GFUS: variants seen among roughly 807,000 people sequenced by gnomAD.
GFUS encodes the protein 3-5 epimerase/4-reductase.
A neutral mutation model predicts 41.5 loss-of-function variants in GFUS; 42 were observed. That is an observed-to-expected ratio of 1.01 (90% CI 0.79 to 1.31). The LOEUF is 1.31. Ranked by LOEUF, GFUS falls within the 50% of genes most tolerant of loss-of-function variation. The pLI, the probability that GFUS is intolerant of heterozygous loss-of-function variation, is 0.00. For synonymous variants in GFUS, 188 were observed against 173.4 expected (o/e 1.08, Z -0.66); for missense variants, 437 against 428.7 (o/e 1.02, Z -0.17).
intron 9 of GFUS, 112 bp downstream of exon 9, chr8:143,613,412 G>A: frequency 6.7e-7 from 1 of 1,489,582 alleles, no homozygotes; most frequent in African/African-American, 1.4e-5. Context: ...CGCCTGCCAG[G>A]GTGAGCATCC....
At chr8:143,614,599 G>A (rs1285700385) in intron 5 of GFUS, 25 bp downstream of exon 5, 1 of 1,569,552 alleles carries the variant, frequency 6.4e-7, no homozygotes, top group Non-Finnish European at 8.7e-7. Flanking sequence ...TCCTGGCTGG[G>A]CCTCAGCAGG....
At chr8:143,615,525 T>C (rs561993707) in intron 3 of GFUS, among the ~76,000 whole-genome samples, 2 of 152,306 alleles carry the variant, frequency 1.3e-5, no homozygotes, top group South Asian at 2.1e-4. Flanking sequence ...GAATCTCCTC[T>C]GAGCCTCTGC....
intron 1 of GFUS, chr8:143,617,064 C>G (rs1001602061): frequency 3.2e-6 from 1 of 311,180 alleles, no homozygotes; most frequent in Non-Finnish European, 6.2e-6. Flanking sequence ...TGGCACAGGT[C>G]GTTAACACGG....
intron 7 of GFUS, 49 bp downstream of exon 7, chr8:143,614,115 G>A (rs1352209557): frequency 6.2e-7 from 1 of 1,606,628 alleles, no homozygotes; most frequent in Non-Finnish European, 8.5e-7. Context: ...CCAGCCCAGG[G>A]CTCAATAGGG....
rs901097821 is a variant in GFUS, at chr8:143,616,605, C to T, written c.108G>A (p.Glu36=). ...VVADGAGLPG[E]DWVFVSSKDA... is the part of the protein sequence containing the mutation. ...CTTTAGAGGAGACAAACACCCAGTC[C>T]TCTCCAGGAAGTCCAGCTCCATCTG... Residue 36 remains glutamate (E), a synonymous_variant, in exon 2 of 11, where the codon GAG becomes GAA. Transcript: ENST00000425753. The T allele has an allele frequency of 6.2e-7, 1 of 1,613,762 alleles. No homozygotes were observed. The highest frequency in any genetic ancestry group is 1.3e-5 in the African/African-American group (1 of 74,902).
In GFUS at chr8:143,614,580, C is replaced by CT. The variant is rs780712958; in HGVS notation, c.464+43dup. ...GGCCCCACCCGCCCCTGGGGGCCCT[C>CT]TCCCCGACTCCTGGCTGGGCCTCAG... On this transcript the variant is annotated intron_variant, in intron 5 of 10. Transcript: ENST00000425753. The CT allele has an allele frequency of 1.2e-5, 18 of 1,561,490 alleles. No homozygotes were observed. In the East Asian group the frequency reaches 2.0e-4, roughly 18 times the overall value.
In GFUS at chr8:143,613,185, T is replaced by TCAGG; in HGVS notation, c.910+7_910+10dup. The TCAGG allele has an allele frequency of 6.2e-7, 1 of 1,612,074 alleles. No individual in the cohort carries two copies. Among genetic ancestry groups the TCAGG allele is most frequent in the Non-Finnish European group, 8.5e-7 (1 of 1,179,300 alleles). On this transcript the variant is annotated intron_variant, in intron 10 of 10. Coordinates refer to ENST00000425753, the MANE Select transcript of GFUS (RefSeq NM_003313.4). ...CTCCACCAAGTGGAGGGCTGTGGGG[T>TCAGG]CAGGGCTCACCCTGCTTGAAGGGTG...
Position 143,614,861 on chromosome 8 carries a change from C to A in GFUS, c.316G>T (p.Ala106Ser), listed in dbSNP as rs764644848. The change falls in exon 4 of 11, where the codon GCC becomes TCC. Residue 106 changes from alanine (A) to serine (S), a missense_variant. Ala to Ser is a moderately conservative substitution (Grantham distance 99). Coordinates refer to ENST00000425753, the MANE Select transcript of GFUS (RefSeq NM_003313.4). ...NVLHSAFEVG[A>S]RKVVSCLSTC... ...GACAGGCAGGACACCACCTTGCGGG[C>A]GCCCACCTCAAAGGCCGAGTGCAGG... is the stretch of plus-strand genomic sequence containing the variant. The A allele has an allele frequency of 8.1e-6, 13 of 1,613,632 alleles. No individual in the cohort carries two copies. Among genetic ancestry groups the A allele is most frequent in the Non-Finnish European group, 1.1e-5 (13 of 1,179,936 alleles).
At position 143,613,182 on chromosome 8, in the gene GFUS, G is replaced by A. The variant is rs542082993; in HGVS notation, c.910+14C>T. 117 of 1,612,388 alleles carry A rather than the reference G, an allele frequency of 7.3e-5. No homozygotes were observed. The highest frequency in any genetic ancestry group is 9.5e-5 in the Non-Finnish European group (112 of 1,179,036). On this transcript the variant is annotated intron_variant, in intron 10 of 10. Transcript: ENST00000425753. Reference sequence around the variant, plus strand: ...GGCCTCCACCAAGTGGAGGGCTGTGGGGTCAGGGCTCACCCTGCTTGAAGG... The same window carrying A: ...GGCCTCCACCAAGTGGAGGGCTGTGAGGTCAGGGCTCACCCTGCTTGAAGG...
In GFUS at chr8:143,612,658, T is replaced by TGC; in HGVS notation, c.*250_*251dup. The stretch of plus-strand genomic sequence containing the variant: ...CTTTATTGGCTCCCAGGGAGTGGGA[T>TGC]GCAGGATCAGAGTGGACACGCGCAG... On this transcript the variant is annotated 3_prime_UTR_variant, in exon 11 of 11. Transcript: ENST00000425753. 2 of 591,796 alleles carry TGC rather than the reference T, an allele frequency of 3.4e-6. No homozygotes were observed. Among genetic ancestry groups the TGC allele is most frequent in the Non-Finnish European group, 6.0e-6 (2 of 331,590 alleles). The allele number at this position is 591,796 out of a possible 1,614,324, so 36.7% of individuals were successfully genotyped here.
Position 143,616,638 on chromosome 8 carries a change from C to A in GFUS, c.75G>T (p.Lys25Asn). 6.2e-7 allele frequency: 1 copy of A among 1,613,876 alleles called. No homozygotes were observed. Among genetic ancestry groups the A allele is most frequent in the Non-Finnish European group, 8.5e-7 (1 of 1,180,004 alleles). Residue 25 changes from lysine to asparagine, a missense_variant, in exon 2 of 11, where the codon AAG becomes AAT. Physicochemically the swap from Lys to Asn is moderately conservative, Grantham distance 94 (BLOSUM62 0). Transcript: ENST00000425753. ...GSGLVGKAIQKVVADGAGLPG... is the reference protein window; with the variant it reads ...GSGLVGKAIQNVVADGAGLPG... The stretch of plus-strand genomic sequence containing the variant: ...GAAGTCCAGCTCCATCTGCTACCAC[C>A]TTCTGGATGGCTTTGCCTACCAGCC...
At chr8:143,615,539 C>T (rs532327589) in intron 3 of GFUS, among the ~76,000 whole-genome samples, 1 of 152,204 alleles carries the variant, frequency 6.6e-6, no homozygotes, top group Non-Finnish European at 1.5e-5. Flanking sequence ...CCTCTGCTCA[C>T]GCTAGTGCCT....
chr8:143,615,003 C>T, intron 3 of GFUS, 88 bp from the exon 4 acceptor site: 1 of 1,524,234 alleles, frequency 6.6e-7, no homozygotes, highest in Non-Finnish European at 8.8e-7. Context: ...TGGAGACACA[C>T]CCTGGCCCTT....
intron 8 of GFUS, 40 bp downstream of exon 8, chr8:143,613,711 C>A (rs778371997): frequency 1.6e-5 from 25 of 1,557,232 alleles, no homozygotes; most frequent in Non-Finnish European, 2.2e-5. Context: ...TGGATCCTGT[C>A]CTACCATGGA....
chr8:143,612,778 G>A lies in GFUS; in HGVS notation c.*132C>T. On this transcript the variant is annotated 3_prime_UTR_variant, in exon 11 of 11. Transcript: ENST00000425753. ...GGGGGCCCCACTGGAAAGATGCTTG[G>A]GGCTGCAGAGCGGATGGAATGCAGG... 2.6e-6 allele frequency: 3 copies of A among 1,157,962 alleles called. No individual in the cohort carries two copies. The South Asian group carries it at 4.3e-5, about 17-fold the overall frequency. 71.7% of individuals were successfully genotyped at this position (1,157,962 alleles called of 1,614,324 possible).
rs1289457801 is a variant in GFUS at position 143,613,254 on chromosome 8, G to A, written c.852C>T (p.Ala284=). The A allele has an allele frequency of 6.2e-7, 1 of 1,614,084 alleles. No individual in the cohort carries two copies. Among genetic ancestry groups the A allele is most frequent in the South Asian group, 1.1e-5 (1 of 91,086 alleles). Residue 284 remains alanine, a synonymous_variant, in exon 10 of 11, where the codon GCC becomes GCT. Transcript: ENST00000425753. ...GGTAGGTCCTCAGCTTGCTGTTACT[G>A]GCTGTCTTCTTAAACTGCCCATCCG... ...TKSDGQFKKT[A]SNSKLRTYLP...
chr8:143,616,470 C>T (rs1189081873), intron 2 of GFUS, 97 bp downstream of exon 2: 12 of 1,575,982 alleles, frequency 7.6e-6, no homozygotes, highest in Middle Eastern at 3.4e-4. Context: ...AACACAGCTA[C>T]TGTTAGACTC....
At chr8:143,613,668 T>C in intron 8 of GFUS, 65 bp from the exon 9 acceptor site, 1 of 1,585,990 alleles carries the variant, frequency 6.3e-7, no homozygotes, top group Non-Finnish European at 8.6e-7. Flanking sequence ...ATATTCCTGC[T>C]CCCACCCCTC....
intron 3 of GFUS, chr8:143,615,804 C>A (rs1829710960): frequency 2.9e-6 from 1 of 350,618 alleles, no homozygotes; most frequent in Admixed American, 4.4e-5. Flanking sequence ...GGGGCAGGAA[C>A]CAGCTCCCAG....
Sources: gnomAD v4.1 joint callset for allele counts (sites outside exome capture counted in the v4.1 genomes callset) on GRCh38, gnomAD v4.1.1 for gene constraint, MANE v1.5 for transcripts, NCBI Gene and HGNC (gene_info 2026-07-23, HGNC 2026-07-21) for gene names.